GSE1: variants seen among roughly 807,000 people sequenced by gnomAD.
GSE1 encodes genetic suppressor element 1.
GSE1 carries 32 observed loss-of-function variants against 112.6 expected under a neutral mutation model. The observed-to-expected ratio is 0.28, with a 90% CI of 0.21 to 0.38. GSE1 has a LOEUF of 0.38. GSE1 is among the 10% of genes least tolerant of loss of function. GSE1 has a pLI of 1.00. For missense variants in GSE1, 2,348 were observed against 1,699.2 expected, an observed-to-expected ratio of 1.38 and a Z score of -6.71; for synonymous variants, 1,115 against 735.6, an observed-to-expected ratio of 1.52 and a Z score of -8.35.
chr16:85,196,807 C>G (rs2074936577), intron 1 of GSE1, among the ~76,000 whole-genome samples: 1 of 152,000 alleles, frequency 6.6e-6, no homozygotes, highest in Non-Finnish European at 1.5e-5. Context: ...CCGGAATTTT[C>G]ATTCCCTCAT....
rs76038168 is a variant in GSE1, at chr16:85,588,428, T to C, written c.37+32065T>C. On this transcript the variant is annotated intron_variant, in intron 1 of 2. Transcript: ENST00000635906. ...GCTAATTACCAGTGTGGGAACGGCT[T>C]TATGATCCTCAAGGGCCCTGAAAGA... 1.9e-3 allele frequency among the ~76,000 whole-genome samples: 286 copies of C among 152,314 alleles called. 2 individuals are homozygous for C. The highest frequency in any genetic ancestry group is 6.6e-3 in the African/African-American group (276 of 41,576).
intron 1 of GSE1, among the ~76,000 whole-genome samples, chr16:85,258,465 A>T (rs1907313359): frequency 1.3e-5 from 2 of 152,162 alleles, no homozygotes; most frequent in Non-Finnish European, 2.9e-5. Flanking sequence ...AGCTGCAGAA[A>T]CAGCAGCAGG....
At chr16:85,370,441 A>T (rs2047270762) in intron 2 of GSE1, among the ~76,000 whole-genome samples, 1 of 152,222 alleles carries the variant, frequency 6.6e-6, no homozygotes, top group Non-Finnish European at 1.5e-5. Flanking sequence ...GACGCAGAGA[A>T]CACAGCACGG....
chr16:85,333,255 C>G (rs994123390), intron 1 of GSE1, among the ~76,000 whole-genome samples: 6 of 152,140 alleles, frequency 3.9e-5, no homozygotes, highest in African/African-American at 1.4e-4. Flanking sequence ...CACCCTGGCT[C>G]TGAAGGCCTC....
chr16:85,458,270 C>T (rs528398002), intron 2 of GSE1, among the ~76,000 whole-genome samples: 21 of 152,342 alleles, frequency 1.4e-4, no homozygotes, highest in African/African-American at 5.1e-4. Context: ...ACAGTCCTGC[C>T]CTCAAGGAGC....
At chr16:85,226,824 G>A (rs1407414507) in intron 1 of GSE1, among the ~76,000 whole-genome samples, 2 of 141,208 alleles carry the variant, frequency 1.4e-5, no homozygotes, top group Admixed American at 7.3e-5. Context: ...TGTGAAGGAG[G>A]ACGAAGGAGC....
rs376914656 is a variant in GSE1 at position 85,656,418 on chromosome 16, C to T, written c.1065C>T (p.Arg355=). Residue 355 remains arginine (R), a synonymous_variant, in exon 7 of 16, where the codon CGC becomes CGT. Coordinates refer to ENST00000253458, the MANE Select transcript of GSE1 (RefSeq NM_014615.5). The part of the protein sequence containing the change: ...REREREREAD[R]EREKERERER... ...GCGAGCGTGAGCGTGAGGCTGACCG[C>T]GAGCGGGAGAAGGAACGTGAGCGCG... 4.7e-5 allele frequency: 74 copies of T among 1,575,966 alleles called. No individual in the cohort carries two copies. The African/African-American group carries it at 6.8e-4, about 14-fold the overall frequency.
chr16:85,526,435 G>A (rs982722730), intron 2 of GSE1, among the ~76,000 whole-genome samples: 2 of 152,272 alleles, frequency 1.3e-5, no homozygotes, highest in African/African-American at 4.8e-5. Context: ...TCCCACGCGC[G>A]CCAGCAGCCA....
chr16:85,398,732 T>TA (rs747960240), intron 2 of GSE1, among the ~76,000 whole-genome samples: 2 of 152,176 alleles, frequency 1.3e-5, no homozygotes, highest in Non-Finnish European at 2.9e-5. Context: ...AATGTAACTT[T>TA]ACAGCCCAGC....
intron 1 of GSE1, among the ~76,000 whole-genome samples, chr16:85,353,614 A>C (rs2046894231): frequency 6.6e-6 from 1 of 152,216 alleles, no homozygotes; most frequent in Non-Finnish European, 1.5e-5. Context: ...CAGGAGGATC[A>C]CTTGAGCCCA....
chr16:85,307,559 C>A (rs762223034), intron 1 of GSE1, among the ~76,000 whole-genome samples: 2 of 152,228 alleles, frequency 1.3e-5, no homozygotes, highest in Non-Finnish European at 2.9e-5. Flanking sequence ...CTGTCCCTCT[C>A]CGTGGAGTCC....
intron 2 of GSE1, among the ~76,000 whole-genome samples, chr16:85,393,132 G>T (rs917918870): frequency 6.6e-6 from 1 of 152,212 alleles, no homozygotes; most frequent in Non-Finnish European, 1.5e-5. Flanking sequence ...CGCTGGGCAC[G>T]GTGGTGCGCA....
chr16:85,642,594 C>T, intron 2 of GSE1, among the ~76,000 whole-genome samples: 1 of 152,340 alleles, frequency 6.6e-6, no homozygotes, highest in East Asian at 1.9e-4. Context: ...ACACCGGAGC[C>T]GTCCCCTAGG....
intron 2 of GSE1, among the ~76,000 whole-genome samples, chr16:85,443,507 C>A (rs966245567): frequency 9.9e-5 from 15 of 152,224 alleles, no homozygotes; most frequent in Admixed American, 9.2e-4. Flanking sequence ...CCACCTGGCC[C>A]ATGGTAATGT....
intron 2 of GSE1, among the ~76,000 whole-genome samples, chr16:85,461,925 C>T (rs1329678411): frequency 6.6e-6 from 1 of 152,220 alleles, no homozygotes; most frequent in Non-Finnish European, 1.5e-5. Flanking sequence ...TCCTCCCAGC[C>T]CATGGCTCTC....
intron 1 of GSE1, among the ~76,000 whole-genome samples, chr16:85,331,154 T>A (rs1172834092): frequency 6.7e-6 from 1 of 149,270 alleles, no homozygotes; most frequent in Non-Finnish European, 1.5e-5. Flanking sequence ...TTTTTATTAT[T>A]TATTTATTTA....
At chr16:85,549,176 TTC>T (rs2044815168) in intron 2 of GSE1, among the ~76,000 whole-genome samples, 2 of 149,964 alleles carry the variant, frequency 1.3e-5, no homozygotes, top group Non-Finnish European at 3.0e-5. Context: ...TCTTTTTCTC[TTC>T]TTTTTTTTTT....
intron 1 of GSE1, among the ~76,000 whole-genome samples, chr16:85,620,130 A>AAAATAG (rs2048638853): frequency 1.3e-5 from 2 of 152,098 alleles, no homozygotes. Flanking sequence ...AATAAAAATA[A>AAAATAG]AAAGAACTGG....
chr16:85,560,817 G>A (rs1385584032), intron 1 of GSE1, among the ~76,000 whole-genome samples: 6 of 151,894 alleles, frequency 4.0e-5, no homozygotes, highest in Non-Finnish European at 7.4e-5. Context: ...CAGTAATAAC[G>A]ATCCTAAAAA....
Sources: gnomAD v4.1 joint callset for allele counts (sites outside exome capture counted in the v4.1 genomes callset) on GRCh38, gnomAD v4.1.1 for gene constraint, MANE v1.5 for transcripts, NCBI Gene and HGNC (gene_info 2026-07-23, HGNC 2026-07-21) for gene names.